The following DPP6 variants were observed in gnomAD, a reference collection of about 807,000 sequenced individuals.
DPP6 encodes A-type potassium channel modulatory protein DPP6.
Under a neutral mutation model 122.6 loss-of-function variants are expected in DPP6, and 69 were observed. The observed-to-expected ratio is 0.56, with a 90% CI of 0.46 to 0.69. DPP6 has a LOEUF of 0.69. Among genes scored for constraint, DPP6 ranks in the 30% least tolerant of loss-of-function variants. DPP6 has a pLI of 0.00. For synonymous variants in DPP6, 418 were observed against 433.1 expected (o/e 0.97, Z 0.43); for missense variants, 928 against 1,116.9 (o/e 0.83, Z 2.41).
At chr7:154,516,306 T>A (rs908133817) in intron 3 of DPP6, among the ~76,000 whole-genome samples, 21 of 150,330 alleles carry the variant, frequency 1.4e-4, no homozygotes, top group Middle Eastern at 3.2e-3. Flanking sequence ...AAAAGAGAGG[T>A]GCAGCATTCC....
intron 1 of DPP6, among the ~76,000 whole-genome samples, chr7:154,060,784 CG>C (rs1355178069): frequency 3.1e-5 from 4 of 131,124 alleles, no homozygotes; most frequent in South Asian, 2.6e-4. Context: ...GCTCTTAGGA[CG>C]CCCATCACAG....
At chr7:154,480,764 A>G (rs1823196548) in intron 3 of DPP6, among the ~76,000 whole-genome samples, 1 of 152,128 alleles carries the variant, frequency 6.6e-6, no homozygotes, top group Non-Finnish European at 1.5e-5. Flanking sequence ...TAACCTTAAT[A>G]TCTCCAAGTC....
chr7:154,660,054 C>A (rs1837519533), intron 6 of DPP6, among the ~76,000 whole-genome samples: 1 of 152,180 alleles, frequency 6.6e-6, no homozygotes, highest in Non-Finnish European at 1.5e-5. Context: ...TCTATGGAAA[C>A]TCCTGTAACG....
chr7:154,644,048 A>T (rs1836288453), intron 6 of DPP6, among the ~76,000 whole-genome samples: 1 of 152,132 alleles, frequency 6.6e-6, no homozygotes, highest in Admixed American at 6.6e-5. Context: ...AGGGTTAGGT[A>T]GGCTTTAGGA....
the DPP6 span, among the ~76,000 whole-genome samples, chr7:153,849,167 C>T: frequency 5.3e-5 from 8 of 152,146 alleles, no homozygotes; most frequent in Non-Finnish European, 5.9e-5. Context: ...AATTGGATTG[C>T]CTTGCATTAA....
At chr7:154,867,253 GC>G (rs1356952012) in intron 17 of DPP6, among the ~76,000 whole-genome samples, 1 of 152,170 alleles carries the variant, frequency 6.6e-6, no homozygotes. Context: ...AAACAGAATG[GC>G]CATTTCAGTA....
the DPP6 span, among the ~76,000 whole-genome samples, chr7:153,863,468 T>C: frequency 6.6e-6 from 1 of 151,506 alleles, no homozygotes; most frequent in East Asian, 1.9e-4. Flanking sequence ...CCCTCAGTCT[T>C]TTTTTTTAAC....
Position 154,892,414 on chromosome 7 carries a change from G to A in DPP6, c.2532G>A (p.Val844=), listed in dbSNP as rs150122559. The change falls in exon 26 of 26, where the codon GTG becomes GTA. Residue 844 remains valine (V), a synonymous_variant. Coordinates refer to ENST00000377770, the MANE Select transcript of DPP6 (RefSeq NM_130797.4). The stretch of plus-strand genomic sequence containing the variant: ...ACCGGTCCATCATCAACTTCTTCGT[G>A]GAATGCTTCAGGATCCAGGACAAAC... ...HLYRSIINFF[V]ECFRIQDKLL... The A allele has an allele frequency of 1.7e-4, 277 of 1,613,998 alleles. No individual in the cohort carries two copies. The East Asian group carries it at 5.6e-3, about 32-fold the overall frequency.
At chr7:154,703,798 G>A (rs528752111) in intron 7 of DPP6, among the ~76,000 whole-genome samples, 92 of 151,910 alleles carry the variant, frequency 6.1e-4, no homozygotes, top group Admixed American at 1.2e-3. Context: ...TTAGCAGGGC[G>A]TGGTGGTGGG....
chr7:154,189,243 A>G (rs992408656), intron 1 of DPP6, among the ~76,000 whole-genome samples: 3 of 152,252 alleles, frequency 2.0e-5, no homozygotes, highest in African/African-American at 7.2e-5. Flanking sequence ...TAGAAGAAGC[A>G]TCAACAGTGC....
In DPP6 at chr7:154,755,920, G is replaced by T. The variant is rs890745755; in HGVS notation, c.884-13497G>T. Among the ~76,000 whole-genome samples the T allele has an allele frequency of 6.6e-6, 1 of 152,180 alleles. No homozygotes were observed. Among genetic ancestry groups the T allele is most frequent in the Admixed American group, 6.5e-5 (1 of 15,276 alleles). On this transcript the variant is annotated intron_variant, in intron 8 of 25. Coordinates refer to ENST00000377770, the MANE Select transcript of DPP6 (RefSeq NM_130797.4). The surrounding 1 kb of genome is among the most constrained non-coding windows in gnomAD (Gnocchi z 4.7). ...TGTCCTCACCACGTCTTTTTATTAT[G>T]AAAAGGAAGAGTGGCGAGGACTTGA...
intron 6 of DPP6, among the ~76,000 whole-genome samples, chr7:154,645,945 G>A (rs1360998764): frequency 6.6e-6 from 1 of 150,758 alleles, no homozygotes; most frequent in African/African-American, 2.4e-5. Context: ...GGAGAATGGC[G>A]TGAACCCGGG....
chr7:154,497,233 A>G (rs969755872), intron 3 of DPP6, among the ~76,000 whole-genome samples: 1 of 152,184 alleles, frequency 6.6e-6, no homozygotes, highest in African/African-American at 2.4e-5. Context: ...TCTAGTTTGT[A>G]CTATACCTTC....
At chr7:154,685,848 T>A (rs974184364) in intron 7 of DPP6, among the ~76,000 whole-genome samples, 1 of 152,226 alleles carries the variant, frequency 6.6e-6, no homozygotes, top group East Asian at 1.9e-4. Context: ...TCTTTTTCTT[T>A]GAATCCTGGA....
intron 7 of DPP6, among the ~76,000 whole-genome samples, chr7:154,675,804 G>A (rs541138240): frequency 6.6e-6 from 1 of 152,288 alleles, no homozygotes; most frequent in Admixed American, 6.5e-5. Flanking sequence ...GTCCCCGTCT[G>A]TTCACACTGC....
At chr7:153,800,487 C>T in the DPP6 span, among the ~76,000 whole-genome samples, 1 of 152,116 alleles carries the variant, frequency 6.6e-6, no homozygotes, top group Non-Finnish European at 1.5e-5. Flanking sequence ...TGAGGGACTA[C>T]ATTCTAATGT....
At chr7:154,691,733 C>G (rs991724772) in intron 7 of DPP6, among the ~76,000 whole-genome samples, 1 of 152,040 alleles carries the variant, frequency 6.6e-6, no homozygotes, top group Non-Finnish European at 1.5e-5. Flanking sequence ...GCAGGAGAAT[C>G]GCTTGTGCCC....
At chr7:154,387,655 T>G (rs1224842214) in intron 1 of DPP6, among the ~76,000 whole-genome samples, 1 of 152,180 alleles carries the variant, frequency 6.6e-6, no homozygotes, top group African/African-American at 2.4e-5. Context: ...CACATTATCA[T>G]GTACTGTTTT....
intron 1 of DPP6, among the ~76,000 whole-genome samples, chr7:154,240,858 G>C (rs1801546948): frequency 6.6e-6 from 1 of 152,176 alleles, no homozygotes; most frequent in Non-Finnish European, 1.5e-5. Context: ...ATGTAGGATA[G>C]ACAGTGAGGT....
Sources: gnomAD v4.1 joint callset for allele counts (sites outside exome capture counted in the v4.1 genomes callset) on GRCh38, gnomAD v4.1.1 for gene constraint, Gnocchi (gnomAD v3.1) non-coding constraint, MANE v1.5 for transcripts, NCBI Gene and HGNC (gene_info 2026-07-23, HGNC 2026-07-21) for gene names.